Variants in TACR1 observed in about 807,000 individuals in gnomAD.
TACR1 encodes substance-P receptor.
In TACR1, 25 loss-of-function variants were observed where a neutral mutation model predicts 35.8. That is an observed-to-expected ratio of 0.70 (90% CI 0.51 to 0.98). The LOEUF (loss-of-function observed/expected upper bound fraction) is 0.98, where lower values mean the gene tolerates loss of function less well. TACR1 is among the 50% of genes least tolerant of loss of function. The pLI, the probability that TACR1 is intolerant of heterozygous loss-of-function variation, is 0.00. For missense variants in TACR1, 478 were observed against 522.9 expected, an observed-to-expected ratio of 0.91 and a Z score of 0.84; for synonymous variants, 195 against 206.7, an observed-to-expected ratio of 0.94 and a Z score of 0.48.
chr2:75,087,611 C>T (rs76357502), intron 2 of TACR1, among the ~76,000 whole-genome samples: 2,120 of 152,248 alleles, frequency 0.014, 25 homozygotes, highest in Middle Eastern at 0.051. Context: ...GATTAAACGC[C>T]GTGTTGTGCT....
intron 1 of TACR1, among the ~76,000 whole-genome samples, chr2:75,197,890 G>A (rs928185950): frequency 4.6e-5 from 7 of 152,178 alleles, no homozygotes; most frequent in Admixed American, 3.9e-4. Context: ...ATTCCTGAAT[G>A]AGAATTCCTA....
At chr2:75,141,023 C>A (rs538565889) in intron 1 of TACR1, among the ~76,000 whole-genome samples, 1 of 152,322 alleles carries the variant, frequency 6.6e-6, no homozygotes, top group East Asian at 1.9e-4. Context: ...ACAAAACTCT[C>A]TCTTTTATAA....
At chr2:75,177,138 CTCTG>C (rs1311575211) in intron 1 of TACR1, among the ~76,000 whole-genome samples, 1 of 151,410 alleles carries the variant, frequency 6.6e-6, no homozygotes, top group Admixed American at 6.6e-5. Flanking sequence ...CAGAATTTTA[CTCTG>C]TCTTTCTCTT....
At chr2:75,197,882 T>G (rs1289079175) in intron 1 of TACR1, among the ~76,000 whole-genome samples, 1 of 152,222 alleles carries the variant, frequency 6.6e-6, no homozygotes, top group East Asian at 1.9e-4. Context: ...TGTCTCTCAT[T>G]CCTGAATGAG....
chr2:75,103,208 A>G (rs1673573587), intron 2 of TACR1, among the ~76,000 whole-genome samples: 1 of 152,194 alleles, frequency 6.6e-6, no homozygotes, highest in South Asian at 2.1e-4. Flanking sequence ...ATTCCCTAAT[A>G]GAAGAAACCA....
At chr2:75,100,400 A>G (rs999911309) in intron 2 of TACR1, among the ~76,000 whole-genome samples, 1 of 152,138 alleles carries the variant, frequency 6.6e-6, no homozygotes, top group African/African-American at 2.4e-5. Context: ...ATCTTTGTGC[A>G]TGTGGTTGTC....
At chr2:75,174,256 A>G (rs1036287564) in intron 1 of TACR1, among the ~76,000 whole-genome samples, 13 of 152,236 alleles carry the variant, frequency 8.5e-5, no homozygotes, top group African/African-American at 3.1e-4. Flanking sequence ...TAAGCATACA[A>G]CACCTTTGCA....
At chr2:75,084,082 T>C (rs1395785386) in intron 2 of TACR1, among the ~76,000 whole-genome samples, 1 of 151,984 alleles carries the variant, frequency 6.6e-6, no homozygotes, top group Non-Finnish European at 1.5e-5. Context: ...ATAGCTCTTA[T>C]TATTTTGAGA....
At chr2:75,181,440 G>A (rs1675556864) in intron 1 of TACR1, among the ~76,000 whole-genome samples, 1 of 152,158 alleles carries the variant, frequency 6.6e-6, no homozygotes, top group South Asian at 2.1e-4. Context: ...ACTGTCTGAT[G>A]TTAAAATTAA....
At chr2:75,176,043 A>G (rs1022537050) in intron 1 of TACR1, among the ~76,000 whole-genome samples, 8 of 151,256 alleles carry the variant, frequency 5.3e-5, no homozygotes, top group South Asian at 2.1e-4. Flanking sequence ...GGAAACAGAA[A>G]AAAGAAACCC....
At position 75,198,949 on chromosome 2, in the gene TACR1, G is replaced by A. The variant is rs779108596; in HGVS notation, c.-15C>T. The stretch of plus-strand genomic sequence containing the variant: ...ACGTTATCCATTTCGAAGCTAGGCG[G>A]TAAAGCCCTACTATCTGTACACAAC... On this transcript the variant is annotated 5_prime_UTR_variant, in exon 1 of 5. Coordinates refer to ENST00000305249, the MANE Select transcript of TACR1 (RefSeq NM_001058.4). 1.2e-5 allele frequency: 19 copies of A among 1,610,736 alleles called. No individual in the cohort carries two copies. Among genetic ancestry groups the A allele is most frequent in the Non-Finnish European group, 1.0e-5 (12 of 1,179,036 alleles).
At chr2:75,051,121 A>G (rs549094101) in intron 4 of TACR1, 130 bp downstream of exon 4, 2 of 1,147,914 alleles carry the variant, frequency 1.7e-6, no homozygotes, top group Non-Finnish European at 2.6e-6. Context: ...TGTGATGATA[A>G]GTTAGCTGCA....
At chr2:75,188,285 T>C (rs1344387416) in intron 1 of TACR1, 1 of 152,260 alleles carries the variant, frequency 6.6e-6, no homozygotes, top group African/African-American at 2.4e-5. Context: ...TTCAAGTGGA[T>C]GTTTCTCTAC....
chr2:75,071,342 G>A (rs6757924), intron 2 of TACR1, among the ~76,000 whole-genome samples: 5,581 of 152,224 alleles, frequency 0.037, 340 homozygotes, highest in African/African-American at 0.13. Flanking sequence ...TAGGCTATTG[G>A]GATGCCCTCC....
chr2:75,134,586 T>C (rs995635666), intron 1 of TACR1, among the ~76,000 whole-genome samples: 1 of 152,176 alleles, frequency 6.6e-6, no homozygotes, highest in Admixed American at 6.5e-5. Context: ...CCTGAAAGGT[T>C]GAGCTGGCAT....
chr2:75,050,217 ATTAACC>A (rs1367566759), intron 4 of TACR1, among the ~76,000 whole-genome samples: 2 of 152,140 alleles, frequency 1.3e-5, no homozygotes, highest in Non-Finnish European at 2.9e-5. Context: ...AATAGGAAGA[ATTAACC>A]TTTACTTAAA....
intron 2 of TACR1, among the ~76,000 whole-genome samples, chr2:75,057,610 G>A (rs1469783258): frequency 6.6e-6 from 1 of 152,228 alleles, no homozygotes; most frequent in Non-Finnish European, 1.5e-5. Flanking sequence ...GCATTTATAT[G>A]ATCTATATAG....
intron 3 of TACR1, among the ~76,000 whole-genome samples, chr2:75,052,316 G>C (rs56314512): frequency 0.01 from 1,528 of 152,276 alleles, 27 homozygotes; most frequent in African/African-American, 0.035. Context: ...AGGCCCTCCT[G>C]AAACACCAAA....
At chr2:75,050,108 T>C (rs1672438286) in intron 4 of TACR1, among the ~76,000 whole-genome samples, 1 of 152,206 alleles carries the variant, frequency 6.6e-6, no homozygotes, top group Admixed American at 6.5e-5. Flanking sequence ...TAAAAACACA[T>C]ATCAAGATTC....
Sources: gnomAD v4.1 joint callset for allele counts (sites outside exome capture counted in the v4.1 genomes callset) on GRCh38, gnomAD v4.1.1 for gene constraint, MANE v1.5 for transcripts, NCBI Gene and HGNC (gene_info 2026-07-23, HGNC 2026-07-21) for gene names.